CCDC88C: variants seen among roughly 807,000 people sequenced by gnomAD.
CCDC88C encodes the protein protein Daple.
In CCDC88C, 131 loss-of-function variants were observed where a neutral mutation model predicts 198.8. That is an observed-to-expected ratio of 0.66 (90% CI 0.57 to 0.76). CCDC88C has a LOEUF of 0.76. Ranked by LOEUF, CCDC88C falls within the 30% of genes least tolerant of loss-of-function variation. The pLI is 0.00. For synonymous variants in CCDC88C, 1,166 were observed against 1,114.7 expected, an observed-to-expected ratio of 1.05 and a Z score of -0.92; for missense variants, 2,553 against 2,631.6, an observed-to-expected ratio of 0.97 and a Z score of 0.65.
intron 3 of CCDC88C, among the ~76,000 whole-genome samples, chr14:91,376,414 A>G (rs1746939562): frequency 6.6e-6 from 1 of 152,162 alleles, no homozygotes; most frequent in Non-Finnish European, 1.5e-5. Flanking sequence ...GGCATGTGCT[A>G]GGAGCCAGGG....
chr14:91,382,103 T>C (rs930909860), intron 3 of CCDC88C, among the ~76,000 whole-genome samples: 1 of 152,114 alleles, frequency 6.6e-6, no homozygotes, highest in Admixed American at 6.5e-5. Context: ...CAGAGACAAG[T>C]CACAATTTCT....
chr14:91,385,287 C>T (rs934791149), intron 3 of CCDC88C, among the ~76,000 whole-genome samples: 1 of 152,196 alleles, frequency 6.6e-6, no homozygotes, highest in Admixed American at 6.5e-5. Flanking sequence ...ACCCCAGACC[C>T]AGGGTTCTCT....
intron 10 of CCDC88C, among the ~76,000 whole-genome samples, chr14:91,330,091 T>C (rs1892753983): frequency 6.6e-6 from 1 of 152,198 alleles, no homozygotes; most frequent in South Asian, 2.1e-4. Flanking sequence ...ACAAGGTGCA[T>C]GGGGCACAGA....
chr14:91,362,756 G>A (rs918415909), intron 3 of CCDC88C, among the ~76,000 whole-genome samples: 1 of 151,884 alleles, frequency 6.6e-6, no homozygotes, highest in Non-Finnish European at 1.5e-5. Flanking sequence ...GGTGAAACCC[G>A]ATCTCTACTA....
chr14:91,390,957 G>C (rs1268547650), intron 3 of CCDC88C, among the ~76,000 whole-genome samples: 2 of 152,140 alleles, frequency 1.3e-5, no homozygotes, highest in Non-Finnish European at 2.9e-5. Flanking sequence ...TGGTTTCTCT[G>C]AACTTCTGTC....
intron 3 of CCDC88C, among the ~76,000 whole-genome samples, chr14:91,390,181 T>C (rs1398309116): frequency 6.6e-6 from 1 of 151,692 alleles, no homozygotes; most frequent in Non-Finnish European, 1.5e-5. Flanking sequence ...GTGGAGCAAG[T>C]TGCTACTTTC....
At chr14:91,342,264 A>G in intron 6 of CCDC88C, 116 bp downstream of exon 6, 1 of 623,126 alleles carries the variant, frequency 1.6e-6, no homozygotes, top group Non-Finnish European at 2.9e-6. Context: ...AAGATTAGCA[A>G]AATCGTAATG....
chr14:91,361,218 C>A (rs147394237), intron 3 of CCDC88C, among the ~76,000 whole-genome samples: 220 of 151,824 alleles, frequency 1.4e-3, no homozygotes, highest in Non-Finnish European at 2.1e-3. Flanking sequence ...TATAGAAATT[C>A]TTCACCAAGA....
At position 91,415,913 on chromosome 14, in the gene CCDC88C, T is replaced by C. The variant is rs560739158; in HGVS notation, c.161+825A>G. The stretch of plus-strand genomic sequence containing the variant: ...GACAACTTGCTCAGTCGTAGGTGAA[T>C]AGGTGCGCACACGAGGCTGATCCAC... On this transcript the variant is annotated intron_variant, in intron 2 of 29. Transcript: ENST00000389857. 8.5e-5 allele frequency among the ~76,000 whole-genome samples: 13 copies of C among 152,244 alleles called. No homozygotes were observed. In the East Asian group the frequency reaches 1.5e-3, roughly 18 times the overall value.
intron 14 of CCDC88C, 120 bp from the exon 15 acceptor site, chr14:91,314,270 C>T: frequency 1.3e-6 from 1 of 778,760 alleles, no homozygotes. Context: ...TGTGCTCAGA[C>T]ACTGCCTGTG....
At chr14:91,274,568 C>T (rs1300351573) in intron 29 of CCDC88C, among the ~76,000 whole-genome samples, 1 of 152,212 alleles carries the variant, frequency 6.6e-6, no homozygotes, top group African/African-American at 2.4e-5. Context: ...GAGCCATCTG[C>T]ACCTGCCAGC....
At chr14:91,285,870 G>T in intron 25 of CCDC88C, 1 of 1,153,182 alleles carries the variant, frequency 8.7e-7, no homozygotes, top group Non-Finnish European at 1.1e-6. Context: ...CCCAAAGGAG[G>T]AAGGAAAAAG....
intron 15 of CCDC88C, among the ~76,000 whole-genome samples, chr14:91,311,733 G>A (rs1891835815): frequency 6.6e-6 from 1 of 152,202 alleles, no homozygotes; most frequent in Admixed American, 6.5e-5. Context: ...CAAATGCCCA[G>A]GTGGCCCACA....
At chr14:91,310,807 G>A (rs1891786406) in intron 15 of CCDC88C, among the ~76,000 whole-genome samples, 1 of 152,176 alleles carries the variant, frequency 6.6e-6, no homozygotes, top group Non-Finnish European at 1.5e-5. Flanking sequence ...TCTCTAGATA[G>A]TGACCGTTTT....
chr14:91,369,538 C>T (rs1343917020), intron 3 of CCDC88C, among the ~76,000 whole-genome samples: 1 of 151,872 alleles, frequency 6.6e-6, no homozygotes, highest in African/African-American at 2.4e-5. Flanking sequence ...TATTATTTTT[C>T]TTTTTTTTAC....
intron 3 of CCDC88C, among the ~76,000 whole-genome samples, chr14:91,389,343 A>G (rs1467501813): frequency 2.6e-5 from 4 of 152,190 alleles, no homozygotes; most frequent in Admixed American, 2.6e-4. Flanking sequence ...CCCCAGGGGA[A>G]AAGTCAACAA....
chr14:91,374,117 T>C (rs906328942), intron 3 of CCDC88C, among the ~76,000 whole-genome samples: 1 of 152,218 alleles, frequency 6.6e-6, no homozygotes, highest in East Asian at 1.9e-4. Context: ...TAAATGGAAC[T>C]GGCTGCGGGG....
chr14:91,283,511 C>G lies in CCDC88C; in HGVS notation c.4448G>C (p.Gly1483Ala). The change falls in exon 26 of 30, where the codon GGG becomes GCG. Residue 1483 changes from glycine (G) to alanine (A), a missense_variant. Physicochemically the swap from Gly to Ala is moderately conservative, Grantham distance 60 (BLOSUM62 0). Transcript: ENST00000389857. ...GGAGCCTCGCTTTGGTTTTAGATCCCCAGGGCCTGAGGCAGAAGAGGACAT... is the reference window on the plus strand; with the variant it reads ...GGAGCCTCGCTTTGGTTTTAGATCCGCAGGGCCTGAGGCAGAAGAGGACAT... The part of the protein sequence containing the change: ...AHNGSVGKGP[G>A]DLKPKRGSPH... 2 of 1,608,952 alleles carry G rather than the reference C, an allele frequency of 1.2e-6. No individual in the cohort carries two copies. Among genetic ancestry groups the G allele is most frequent in the Non-Finnish European group, 1.7e-6 (2 of 1,177,924 alleles).
At chr14:91,376,322 C>T (rs1413070755) in intron 3 of CCDC88C, among the ~76,000 whole-genome samples, 4 of 152,216 alleles carry the variant, frequency 2.6e-5, no homozygotes, top group Non-Finnish European at 5.9e-5. Context: ...GCTTTGCACA[C>T]TCATGACTGC....
Sources: allele counts gnomAD v4.1 joint callset (sites outside exome capture counted in the v4.1 genomes callset), GRCh38; gene constraint gnomAD v4.1.1; transcripts MANE v1.5; gene names NCBI Gene and HGNC (gene_info 2026-07-23, HGNC 2026-07-21).